SERINC1: variants seen among roughly 807,000 people sequenced by gnomAD.
The protein encoded by SERINC1 is serine incorporator 1, also known as tumor differentially expressed protein 2.
Under a neutral mutation model 52.9 loss-of-function variants are expected in SERINC1, and 38 were observed. The observed-to-expected ratio is 0.72, with a 90% CI of 0.55 to 0.94. The LOEUF (loss-of-function observed/expected upper bound fraction) is 0.94, where lower values mean the gene tolerates loss of function less well. SERINC1 is among the 40% of genes least tolerant of loss of function. The pLI is 0.00. For missense variants in SERINC1, 471 were observed against 533.9 expected (o/e 0.88, Z 1.16); for synonymous variants, 198 against 183.1 (o/e 1.08, Z -0.66).
chr6:122,466,273 A>G (rs959350965), intron 1 of SERINC1, among the ~76,000 whole-genome samples: 13 of 152,186 alleles, frequency 8.5e-5, no homozygotes, highest in African/African-American at 3.1e-4. Flanking sequence ...GACTCTTGGT[A>G]ATTAAAAATG....
chr6:122,449,457 G>C (rs1386475114), intron 7 of SERINC1, among the ~76,000 whole-genome samples: 1 of 152,194 alleles, frequency 6.6e-6, no homozygotes, highest in African/African-American at 2.4e-5. Flanking sequence ...AAGTTTTAGT[G>C]ACCTGGATAG....
chr6:122,465,032 T>C (rs1413961811), intron 1 of SERINC1, among the ~76,000 whole-genome samples: 1 of 152,118 alleles, frequency 6.6e-6, no homozygotes, highest in Non-Finnish European at 1.5e-5. Flanking sequence ...TTTGGGGTTT[T>C]TTTTCTTTAA....
chr6:122,463,222 G>A (rs1775135748), intron 1 of SERINC1, among the ~76,000 whole-genome samples: 1 of 152,172 alleles, frequency 6.6e-6, no homozygotes, highest in African/African-American at 2.4e-5. Context: ...CTTTTTAACA[G>A]ATGTTGCTGA....
chr6:122,457,842 C>T (rs1005449486), intron 2 of SERINC1, among the ~76,000 whole-genome samples: 2 of 150,646 alleles, frequency 1.3e-5, no homozygotes, highest in African/African-American at 4.9e-5. Flanking sequence ...CGATACAATA[C>T]CACCAAGTCA....
rs561920950 is a variant in SERINC1 at position 122,470,320 on chromosome 6, C to G, written c.39+1379G>C. 4.4e-4 allele frequency among the ~76,000 whole-genome samples: 67 copies of G among 152,220 alleles called. No homozygotes were observed. In the South Asian group the frequency reaches 7.7e-3, roughly 17 times the overall value. On this transcript the variant is annotated intron_variant, in intron 1 of 9. Coordinates refer to ENST00000339697, the MANE Select transcript of SERINC1 (RefSeq NM_020755.4). ...ACATTCTTCTAATCAATAAAGGTGG[C>G]GATCTATTTTGTAAAAGGGAAAACA...
At chr6:122,468,547 T>TGTTAAATTCAAGAAAC (rs1424789494) in intron 1 of SERINC1, among the ~76,000 whole-genome samples, 1 of 152,158 alleles carries the variant, frequency 6.6e-6, no homozygotes, top group Admixed American at 6.5e-5. Context: ...CTTTTTTTTT[T>TGTTAAATTCAAGAAAC]GTTAAATTCA....
In SERINC1 at chr6:122,454,178, A is replaced by C; in HGVS notation, c.424T>G (p.Phe142Val). 1 of 1,591,734 alleles carries C rather than the reference A, an allele frequency of 6.3e-7. No homozygotes were observed. ...AAIAIIIGAFFIPEGTFTTVW... is the reference protein window; with the variant it reads ...AAIAIIIGAFVIPEGTFTTVW... ...GTTGTAAAAGTTCCTTCTGGAATGAAGAATGCCCCAATAATAATTGCAATT... is the reference window on the plus strand; with the variant it reads ...GTTGTAAAAGTTCCTTCTGGAATGACGAATGCCCCAATAATAATTGCAATT... Residue 142 changes from phenylalanine to valine, a missense_variant, in exon 4 of 10, where the codon TTC (phenylalanine) becomes GTC (valine). By Grantham distance (50) the Phe-to-Val change is conservative. Coordinates refer to ENST00000339697, the MANE Select transcript of SERINC1 (RefSeq NM_020755.4).
chr6:122,448,788 A>ATT lies in SERINC1; in HGVS notation c.851-1525_851-1524dup, dbSNP rs67382351. 8.2e-4 allele frequency among the ~76,000 whole-genome samples: 98 copies of ATT among 119,456 alleles called. No homozygotes were observed. The South Asian group carries it at 0.01, about 13-fold the overall frequency. The allele number at this position is 119,456 out of a possible 152,430, so 78.4% of individuals were successfully genotyped here. On this transcript the variant is annotated intron_variant, in intron 7 of 9. Transcript: ENST00000339697. The stretch of plus-strand genomic sequence containing the variant: ...TACCTTGTTTTACTGTGCTTTGCCT[A>ATT]TTTTTTTTTTTTTTTTTTTTTAGCA...
At chr6:122,449,233 A>G (rs1774862697) in intron 7 of SERINC1, among the ~76,000 whole-genome samples, 1 of 152,232 alleles carries the variant, frequency 6.6e-6, no homozygotes, top group Non-Finnish European at 1.5e-5. Context: ...TTTCTCACTT[A>G]AATCAAAAGC....
chr6:122,457,611 G>C (rs893111563), intron 2 of SERINC1, among the ~76,000 whole-genome samples: 1 of 152,068 alleles, frequency 6.6e-6, no homozygotes, highest in African/African-American at 2.4e-5. Flanking sequence ...AGACAGAAGA[G>C]AGCTGCTGCT....
Position 122,453,833 on chromosome 6 carries a change from G to A in SERINC1, c.526C>T (p.His176Tyr), listed in dbSNP as rs772273913. ...IQLVLLIDFA[H>Y]SWNESWVEKM... The stretch of plus-strand genomic sequence containing the variant: ...TCAACCCACGATTCATTCCATGAAT[G>A]TGCAAAATCAATAAGTAAGACTAGT... Residue 176 changes from histidine (H) to tyrosine (Y), a missense_variant, in exon 5 of 10, where the codon CAT becomes TAT. Physicochemically the swap from His to Tyr is moderately conservative, Grantham distance 83. Transcript: ENST00000339697. 28 of 1,609,414 alleles carry A rather than the reference G, an allele frequency of 1.7e-5. No individual in the cohort carries two copies. The highest frequency in any genetic ancestry group is 2.2e-5 in the Non-Finnish European group (26 of 1,176,854).
chr6:122,453,665 T>C (rs973851316), intron 5 of SERINC1, 105 bp downstream of exon 5: 3 of 911,060 alleles, frequency 3.3e-6, no homozygotes, highest in South Asian at 3.3e-5. Flanking sequence ...AACCTCATCA[T>C]AGGAAAGTAG....
In SERINC1 at chr6:122,446,773, C is replaced by A; in HGVS notation, c.1226+1G>T. On this transcript the variant is annotated splice_donor_variant, in intron 9 of 9. Coordinates refer to ENST00000339697, the MANE Select transcript of SERINC1 (RefSeq NM_020755.4). LOFTEE classifies it high-confidence loss of function. ...CCAGAGTTTTCATGAAATATAAATA[C>A]CTGTACCAGTTGGTAAGGGTCATCA... 1 of 1,590,058 alleles carries A rather than the reference C, an allele frequency of 6.3e-7. No individual in the cohort carries two copies. Among genetic ancestry groups the A allele is most frequent in the Non-Finnish European group, 8.6e-7 (1 of 1,158,326 alleles).
intron 1 of SERINC1, among the ~76,000 whole-genome samples, chr6:122,459,715 C>T (rs9401545): frequency 0.14 from 20,910 of 151,430 alleles, 1,551 homozygotes; most frequent in East Asian, 0.26. Flanking sequence ...ATTTGAGCTA[C>T]AGAAAAATAA....
rs113378693 is a variant in SERINC1 at position 122,452,503 on chromosome 6, T to A, written c.590-446A>T. ...TGTTAAGCCCTCACAACAATGATGC[T>A]TTTCCTCATGAACTAAAATCTTAAA... On this transcript the variant is annotated intron_variant, in intron 5 of 9. Coordinates refer to ENST00000339697, the MANE Select transcript of SERINC1 (RefSeq NM_020755.4). 4.9e-3 allele frequency among the ~76,000 whole-genome samples: 753 copies of A among 152,314 alleles called. 7 individuals carry two copies. Among genetic ancestry groups the A allele is most frequent in the African/African-American group, 0.017 (711 of 41,564 alleles).
At chr6:122,456,422 G>A in intron 3 of SERINC1, 59 bp downstream of exon 3, 1 of 1,048,680 alleles carries the variant, frequency 9.5e-7, no homozygotes, top group South Asian at 2.6e-5. Context: ...TGGATAAACT[G>A]GCAATTATCA....
intron 1 of SERINC1, among the ~76,000 whole-genome samples, chr6:122,465,239 G>A (rs190371415): frequency 6.6e-6 from 1 of 152,122 alleles, no homozygotes; most frequent in African/African-American, 2.4e-5. Flanking sequence ...TCCCCAAATA[G>A]TTCAGGAACT....
At chr6:122,458,462 A>AC (rs927873266) in intron 2 of SERINC1, 58 bp downstream of exon 2, 419 of 1,145,674 alleles carry the variant, frequency 3.7e-4, no homozygotes, top group Middle Eastern at 1.0e-3. Context: ...TCAATTTTAT[A>AC]CATATACATA....
In SERINC1 at chr6:122,444,747, A is replaced by G. The variant is rs911905506; in HGVS notation, c.*297T>C. 2 of 256,692 alleles carry G rather than the reference A, an allele frequency of 7.8e-6. No homozygotes were observed. Among genetic ancestry groups the G allele is most frequent in the Non-Finnish European group, 1.5e-5 (2 of 136,318 alleles). 15.9% of individuals were successfully genotyped at this position (256,692 alleles called of 1,614,324 possible). On this transcript the variant is annotated 3_prime_UTR_variant, in exon 10 of 10. Coordinates refer to ENST00000339697, the MANE Select transcript of SERINC1 (RefSeq NM_020755.4). ...TCTAATATAATTTTAAAATAGTCAA[A>G]CAAATTTGTTTTTACTCTTCATTTC...
Sources: gnomAD v4.1 joint callset for allele counts (sites outside exome capture counted in the v4.1 genomes callset) on GRCh38, gnomAD v4.1.1 for gene constraint, MANE v1.5 for transcripts, NCBI Gene and HGNC (gene_info 2026-07-23, HGNC 2026-07-21) for gene names.